Variants in GLCE observed in about 807,000 individuals in gnomAD.
The protein encoded by GLCE is D-glucuronyl C5-epimerase.
GLCE carries 19 observed loss-of-function variants against 47.9 expected under a neutral mutation model. The observed-to-expected ratio is 0.40, with a 90% confidence interval of 0.28 to 0.58. The LOEUF (loss-of-function observed/expected upper bound fraction) is 0.58, where lower values mean the gene tolerates loss of function less well. Ranked by LOEUF, GLCE falls within the 20% of genes least tolerant of loss-of-function variation. The pLI is 0.48. For missense variants in GLCE, 556 were observed against 743.3 expected, an observed-to-expected ratio of 0.75 and a Z score of 2.93; for synonymous variants, 245 against 263.4, an observed-to-expected ratio of 0.93 and a Z score of 0.68.
chr15:69,195,655 T>C (rs2051976937), intron 1 of GLCE, among the ~76,000 whole-genome samples: 1 of 152,164 alleles, frequency 6.6e-6, no homozygotes, highest in Non-Finnish European at 1.5e-5. Flanking sequence ...GATTGGTATG[T>C]TTTCAGGGGA....
Position 69,268,564 on chromosome 15 carries a change from GACA to G in GLCE, c.1178_1180del (p.Asn393del), listed in dbSNP as rs749334433. Reference sequence around the variant, plus strand: ...GATTGCAAAAGGTAAGGGATTCCTCGACAACATTACCATCTCTACCACAGCCCA... The same window carrying G: ...GATTGCAAAAGGTAAGGGATTCCTCGACATTACCATCTCTACCACAGCCCA... On this transcript the variant is annotated inframe_deletion, in exon 5 of 5. Transcript: ENST00000261858. 2 of 1,614,076 alleles carry G rather than the reference GACA, an allele frequency of 1.2e-6. No homozygotes were observed. Among genetic ancestry groups the G allele is most frequent in the Non-Finnish European group, 1.7e-6 (2 of 1,179,994 alleles).
intron 1 of GLCE, among the ~76,000 whole-genome samples, chr15:69,189,657 G>A (rs2051884327): frequency 6.6e-6 from 1 of 152,114 alleles, no homozygotes; most frequent in Non-Finnish European, 1.5e-5. Context: ...CAAAGAACCA[G>A]CTTTTGGTTT....
chr15:69,179,407 A>G (rs1264144133), intron 1 of GLCE, among the ~76,000 whole-genome samples: 1 of 152,218 alleles, frequency 6.6e-6, no homozygotes, highest in Non-Finnish European at 1.5e-5. Flanking sequence ...CTAGTGCACT[A>G]TCAAAACCAT....
At chr15:69,233,824 G>A (rs1032703007) in intron 2 of GLCE, among the ~76,000 whole-genome samples, 5 of 152,148 alleles carry the variant, frequency 3.3e-5, no homozygotes, top group South Asian at 2.1e-4. Flanking sequence ...TGATGTGTGA[G>A]TAATAATTTA....
At chr15:69,253,067 A>C (rs1006300767) in intron 2 of GLCE, among the ~76,000 whole-genome samples, 23 of 152,310 alleles carry the variant, frequency 1.5e-4, no homozygotes, top group African/African-American at 5.3e-4. Flanking sequence ...CTACCCAAGG[A>C]TGATAGTTGA....
intron 2 of GLCE, among the ~76,000 whole-genome samples, chr15:69,232,910 T>C (rs1450514467): frequency 6.6e-6 from 1 of 152,186 alleles, no homozygotes; most frequent in Admixed American, 6.5e-5. Context: ...TGTCATAGAC[T>C]AAATGAGAGT....
At chr15:69,256,751 A>G (rs775346522) in intron 3 of GLCE, among the ~76,000 whole-genome samples, 23 of 152,308 alleles carry the variant, frequency 1.5e-4, no homozygotes, top group South Asian at 2.1e-4. Flanking sequence ...GGACCCATCA[A>G]TGTACCAGTG....
intron 2 of GLCE, among the ~76,000 whole-genome samples, chr15:69,218,587 C>T (rs2052338534): frequency 6.6e-6 from 1 of 152,136 alleles, no homozygotes; most frequent in Admixed American, 6.5e-5. Context: ...AATAATTAGA[C>T]AAGACTGAAA....
rs766577129 is a variant in GLCE at position 69,255,885 on chromosome 15, T to C, written c.79T>C (p.Leu27=). 20 of 1,614,058 alleles carry C rather than the reference T, an allele frequency of 1.2e-5. No homozygotes were observed. The highest frequency in any genetic ancestry group is 2.2e-5 in the East Asian group (1 of 44,888). Residue 27 remains leucine (L), a synonymous_variant, in exon 3 of 5, where the codon TTG becomes CTG. Coordinates refer to ENST00000261858, the MANE Select transcript of GLCE (RefSeq NM_015554.3). Reference sequence around the variant, plus strand: ...ACTCTTCACTTTGGTCACAGTACTTTTGTGGAATAAGTGTTCCAGTGACAA... The same window carrying C: ...ACTCTTCACTTTGGTCACAGTACTTCTGTGGAATAAGTGTTCCAGTGACAA... The part of the protein sequence containing the change: ...CALFTLVTVL[L]WNKCSSDKAI...
chr15:69,246,660 G>A (rs1248224139), intron 2 of GLCE, among the ~76,000 whole-genome samples: 1 of 150,572 alleles, frequency 6.6e-6, no homozygotes, highest in African/African-American at 2.5e-5. Flanking sequence ...AGGTTGCAGT[G>A]AGCCGAGATC....
At chr15:69,187,705 C>T (rs984216143) in intron 1 of GLCE, among the ~76,000 whole-genome samples, 6 of 152,092 alleles carry the variant, frequency 3.9e-5, no homozygotes, top group African/African-American at 7.2e-5. Context: ...AAAAGGTTTT[C>T]GTTTGGTTTT....
rs2051409907 is a variant in GLCE, at chr15:69,160,988, AG to A, written c.-105+236del. ...AGCGGGTGCCGGAGCTCCCGAGGTG[AG>A]GGGGCAATGTATTAGGGATCCTGGG... On this transcript the variant is annotated intron_variant, in intron 1 of 4. Transcript: ENST00000261858. The surrounding 1 kb of genome is among the most constrained non-coding windows in gnomAD (Gnocchi z 4.2). Among the ~76,000 whole-genome samples the A allele has an allele frequency of 1.1e-5, 1 of 87,598 alleles. No homozygotes were observed. Among genetic ancestry groups the A allele is most frequent in the Admixed American group, 1.3e-4 (1 of 7,774 alleles). The allele number at this position is 87,598 out of a possible 152,430, so 57.5% of individuals were successfully genotyped here. A position where few individuals can be genotyped will look rare whatever the true frequency, so the allele number is the denominator to read the frequency against.
chr15:69,256,350 G>C lies in GLCE; in HGVS notation c.544G>C (p.Val182Leu). The change falls in exon 3 of 5, where the codon GTG becomes CTG. Residue 182 changes from valine to leucine, a missense_variant. Val to Leu is a conservative substitution (Grantham distance 32). Transcript: ENST00000261858. ...GVFMSFEGYN[V>L]EVRDRVKCIS... ...GTTTATGTCTTTTGAAGGCTACAAT[G>C]TGGAAGTCCGAGACAGAGTCAAGTG... 1.9e-6 allele frequency: 3 copies of C among 1,613,596 alleles called. No individual in the cohort carries two copies. Among genetic ancestry groups the C allele is most frequent in the Non-Finnish European group, 2.5e-6 (3 of 1,179,894 alleles).
chr15:69,195,791 C>G (rs191915657), intron 1 of GLCE, among the ~76,000 whole-genome samples: 317 of 152,104 alleles, frequency 2.1e-3, no homozygotes, highest in Non-Finnish European at 3.6e-3. Context: ...AAATTACTCC[C>G]CTATATTACA....
intron 1 of GLCE, among the ~76,000 whole-genome samples, chr15:69,197,929 T>C (rs2052019363): frequency 6.6e-6 from 1 of 152,176 alleles, no homozygotes; most frequent in Non-Finnish European, 1.5e-5. Context: ...AGAAAATTGC[T>C]GCAGCAGTTT....
chr15:69,235,372 T>G (rs1471418345), intron 2 of GLCE, among the ~76,000 whole-genome samples: 2 of 144,226 alleles, frequency 1.4e-5, no homozygotes, highest in East Asian at 3.8e-4. Context: ...CCTCCCAAAG[T>G]GCTGGGATTA....
intron 1 of GLCE, among the ~76,000 whole-genome samples, chr15:69,161,609 G>A (rs2051422573): frequency 1.3e-5 from 2 of 152,226 alleles, no homozygotes; most frequent in Admixed American, 1.3e-4. Context: ...CGCAGGCTGG[G>A]CAGCATCCTG....
intron 4 of GLCE, 36 bp downstream of exon 4, chr15:69,261,365 G>T (rs1314904560): frequency 6.3e-7 from 1 of 1,592,874 alleles, no homozygotes; most frequent in Non-Finnish European, 8.6e-7. Context: ...CTAATTTTAT[G>T]TTGATTTATG....
intron 1 of GLCE, among the ~76,000 whole-genome samples, chr15:69,206,831 G>T (rs999765260): frequency 2.6e-5 from 4 of 152,044 alleles, no homozygotes; most frequent in Non-Finnish European, 5.9e-5. Context: ...TGATGCAGGG[G>T]TATCACCATT....
Sources: gnomAD v4.1 joint callset for allele counts (sites outside exome capture counted in the v4.1 genomes callset) on GRCh38, gnomAD v4.1.1 for gene constraint, Gnocchi (gnomAD v3.1) non-coding constraint, MANE v1.5 for transcripts, NCBI Gene and HGNC (gene_info 2026-07-23, HGNC 2026-07-21) for gene names.